SMARCA2: variants seen among roughly 807,000 people sequenced by gnomAD.
SMARCA2 encodes the protein SWI/SNF-related matrix-associated actin-dependent regulator of chromatin subfamily A member 2.
SMARCA2 carries 61 observed loss-of-function variants against 199.8 expected under a neutral mutation model. The observed-to-expected ratio is 0.31, with a 90% CI of 0.25 to 0.38. The LOEUF is 0.38. Ranked by LOEUF, SMARCA2 falls within the 10% of genes least tolerant of loss-of-function variation. SMARCA2 has a pLI of 1.00. For synonymous variants in SMARCA2, 935 were observed against 732.0 expected, an observed-to-expected ratio of 1.28 and a Z score of -4.48; for missense variants, 1,344 against 2,012.2, an observed-to-expected ratio of 0.67 and a Z score of 6.35.
chr9:2,133,081 T>G (rs1165082829), intron 27 of SMARCA2, among the ~76,000 whole-genome samples: 2 of 152,286 alleles, frequency 1.3e-5, no homozygotes, highest in South Asian at 2.1e-4. Flanking sequence ...GAAATCAGGA[T>G]TCAGCTCTGA....
At chr9:2,050,858 C>T (rs1820087251) in intron 5 of SMARCA2, among the ~76,000 whole-genome samples, 1 of 152,200 alleles carries the variant, frequency 6.6e-6, no homozygotes, top group Non-Finnish European at 1.5e-5. Flanking sequence ...GTATCTGTTG[C>T]ATTTAATGCA....
At chr9:2,188,436 G>C (rs566667377) in intron 32 of SMARCA2, among the ~76,000 whole-genome samples, 15 of 152,222 alleles carry the variant, frequency 9.9e-5, no homozygotes, top group Non-Finnish European at 1.9e-4. Context: ...TCTAGTTAGT[G>C]ATTCTGCCTT....
chr9:2,179,253 G>T (rs1826841831), intron 29 of SMARCA2, among the ~76,000 whole-genome samples: 1 of 152,156 alleles, frequency 6.6e-6, no homozygotes, highest in South Asian at 2.1e-4. Context: ...AGAGAATGAG[G>T]ACATATCCTG....
chr9:2,091,217 G>A (rs935136695), intron 19 of SMARCA2, among the ~76,000 whole-genome samples: 12 of 151,974 alleles, frequency 7.9e-5, no homozygotes, highest in African/African-American at 1.5e-4. Flanking sequence ...ATCATCCACC[G>A]CTCCAAAAAA....
chr9:2,186,233 G>T lies in SMARCA2; in HGVS notation c.4594+5G>T. On this transcript the variant is annotated splice_donor_5th_base_variant and intron_variant, in intron 32 of 33. Transcript: ENST00000349721. ...AAGAAGAGTCAGAGTCCGAGGGTAA[G>T]CCCAGACATTCGGGTCCTGTACATC... The T allele has an allele frequency of 6.2e-7, 1 of 1,612,930 alleles. No individual in the cohort carries two copies. Among genetic ancestry groups the T allele is most frequent in the Non-Finnish European group, 8.5e-7 (1 of 1,179,276 alleles).
chr9:2,100,574 A>G (rs997657193), intron 21 of SMARCA2, among the ~76,000 whole-genome samples: 2 of 152,028 alleles, frequency 1.3e-5, no homozygotes, highest in South Asian at 2.1e-4. Flanking sequence ...ATAGTGGCAC[A>G]TGCTGTAGTC....
chr9:2,068,884 G>A (rs1412109364), intron 9 of SMARCA2: 1 of 151,942 alleles, frequency 6.6e-6, no homozygotes, highest in Non-Finnish European at 1.5e-5. Context: ...TTACAGATGA[G>A]ACTTTCTTGG....
intron 32 of SMARCA2, 69 bp downstream of exon 32, chr9:2,186,297 T>C: frequency 2.0e-6 from 3 of 1,497,822 alleles, no homozygotes; most frequent in Non-Finnish European, 2.7e-6. Context: ...TCCACAGATG[T>C]TCACAGAAGA....
In SMARCA2 at chr9:2,123,961, C is replaced by T. The variant is rs1823576953; in HGVS notation, c.3981+24C>T. Reference sequence around the variant, plus strand: ...GGGTAAGCCTAGCTTTTCTAACCCGCTCTCACTAGGTGGAGGGTTTTTGGT... The same window carrying T: ...GGGTAAGCCTAGCTTTTCTAACCCGTTCTCACTAGGTGGAGGGTTTTTGGT... On this transcript the variant is annotated intron_variant, in intron 27 of 33. Coordinates refer to ENST00000349721, the MANE Select transcript of SMARCA2 (RefSeq NM_003070.5). This position sits in a 1 kb window ranked among gnomAD's most constrained non-coding sequence, Gnocchi z 4.1. 5 of 1,537,102 alleles carry T rather than the reference C, an allele frequency of 3.3e-6. No homozygotes were observed. Among genetic ancestry groups the T allele is most frequent in the Non-Finnish European group, 3.5e-6 (4 of 1,134,680 alleles).
intron 27 of SMARCA2, among the ~76,000 whole-genome samples, chr9:2,133,341 C>T (rs1824046365): frequency 6.6e-6 from 1 of 152,148 alleles, no homozygotes; most frequent in African/African-American, 2.4e-5. Flanking sequence ...GGGTCTCACT[C>T]TGTCACCCAG....
Position 2,140,126 on chromosome 9 carries a change from G to T in SMARCA2, c.3981+16189G>T, listed in dbSNP as rs535206456. ...ACTTCAGCAGTTCTGCATAGACCAA[G>T]ACCAAGAGTTTTCTAGTACTCTCAT... is the stretch of plus-strand genomic sequence containing the variant. On this transcript the variant is annotated intron_variant, in intron 27 of 33. Coordinates refer to ENST00000349721, the MANE Select transcript of SMARCA2 (RefSeq NM_003070.5). 2.2e-4 allele frequency among the ~76,000 whole-genome samples: 33 copies of T among 152,288 alleles called. 1 individual carries two copies. The South Asian group carries it at 6.4e-3, about 30-fold the overall frequency.
intron 3 of SMARCA2, 182 bp downstream of exon 3, chr9:2,033,263 A>C (rs1394932457): frequency 6.8e-6 from 4 of 585,966 alleles, no homozygotes; most frequent in Non-Finnish European, 1.1e-5. Flanking sequence ...TTATATGGGA[A>C]ATTTTATTTC....
chr9:2,158,742 A>T (rs1351191541), intron 27 of SMARCA2: 13 of 440,580 alleles, frequency 3.0e-5, no homozygotes, highest in Non-Finnish European at 4.4e-5. Flanking sequence ...ATAAAAGAAC[A>T]GTTTAAAATC....
At chr9:2,100,982 G>A (rs1230341265) in intron 21 of SMARCA2, among the ~76,000 whole-genome samples, 1 of 152,016 alleles carries the variant, frequency 6.6e-6, no homozygotes, top group African/African-American at 2.4e-5. Flanking sequence ...AGTGAAAAGG[G>A]AAACCCCTTA....
At chr9:2,141,088 G>A (rs116928115) in intron 27 of SMARCA2, among the ~76,000 whole-genome samples, 2,907 of 152,186 alleles carry the variant, frequency 0.019, 36 homozygotes, top group Non-Finnish European at 0.031. Flanking sequence ...AAGTTGGCAA[G>A]TGTCATGCCA....
At chr9:2,061,771 T>C (rs1452604680) in intron 9 of SMARCA2, among the ~76,000 whole-genome samples, 2 of 152,242 alleles carry the variant, frequency 1.3e-5, no homozygotes, top group Non-Finnish European at 2.9e-5. Context: ...TAGCATTTAA[T>C]CATTCATTCT....
chr9:2,047,698 C>A (rs558722426), intron 5 of SMARCA2: 4 of 367,708 alleles, frequency 1.1e-5, no homozygotes, highest in East Asian at 4.9e-5. Context: ...CCTGTGGACC[C>A]GAGAGAGTGA....
chr9:2,158,893 A>T, intron 27 of SMARCA2: 1 of 1,590,764 alleles, frequency 6.3e-7, no homozygotes, highest in Non-Finnish European at 8.6e-7. Flanking sequence ...CTGCATATGG[A>T]TGTGTTTGGG....
In SMARCA2 at chr9:2,103,992, T is replaced by C. The variant is rs765480563; in HGVS notation, c.3126-11T>C. The C allele has an allele frequency of 6.2e-7, 1 of 1,609,974 alleles. No homozygotes were observed. Among genetic ancestry groups the C allele is most frequent in the South Asian group, 1.1e-5 (1 of 90,424 alleles). On this transcript the variant is annotated splice_polypyrimidine_tract_variant and intron_variant, in intron 22 of 33. Transcript: ENST00000349721. ...TACTGTCTTCTTGTTTTTGCATTTT[T>C]TTGGGTTCAGGGCTGAACTGTATCG... is the stretch of plus-strand genomic sequence containing the variant.
Sources: gnomAD v4.1 joint callset for allele counts (sites outside exome capture counted in the v4.1 genomes callset) on GRCh38, gnomAD v4.1.1 for gene constraint, Gnocchi (gnomAD v3.1) non-coding constraint, MANE v1.5 for transcripts, NCBI Gene and HGNC (gene_info 2026-07-23, HGNC 2026-07-21) for gene names.